STPG2: variants seen among roughly 807,000 people sequenced by gnomAD.
The protein encoded by STPG2 is sperm-tail PG-rich repeat-containing protein 2.
A neutral mutation model predicts 54.2 loss-of-function variants in STPG2; 56 were observed. The observed-to-expected ratio is 1.03, with a 90% confidence interval of 0.83 to 1.29. The LOEUF is 1.29. Among genes scored for constraint, STPG2 ranks in the 50% most tolerant of loss-of-function variants. STPG2 has a pLI of 0.00. For missense variants in STPG2, 596 were observed against 544.9 expected, an observed-to-expected ratio of 1.09 and a Z score of -0.93; for synonymous variants, 200 against 181.8, an observed-to-expected ratio of 1.10 and a Z score of -0.81.
At chr4:97,903,867 C>T (rs897610167) in intron 8 of STPG2, among the ~76,000 whole-genome samples, 2 of 152,212 alleles carry the variant, frequency 1.3e-5, no homozygotes, top group Admixed American at 6.5e-5. Context: ...GGGTCACTCC[C>T]ACCCGAATAC....
At chr4:97,909,564 A>G (rs949820696) in intron 8 of STPG2, among the ~76,000 whole-genome samples, 1 of 152,186 alleles carries the variant, frequency 6.6e-6, no homozygotes, top group Non-Finnish European at 1.5e-5. Context: ...CCTAAATAAA[A>G]TATTAGTAAA....
chr4:97,992,492 G>A (rs1234739132), intron 5 of STPG2, among the ~76,000 whole-genome samples: 1 of 152,112 alleles, frequency 6.6e-6, no homozygotes, highest in Non-Finnish European at 1.5e-5. Flanking sequence ...TGCTGTTTTG[G>A]TGACTATAGC....
intron 8 of STPG2, among the ~76,000 whole-genome samples, chr4:97,849,389 G>T (rs1327793919): frequency 4.0e-5 from 6 of 151,862 alleles, no homozygotes; most frequent in Admixed American, 1.3e-4. Flanking sequence ...AACACCAAAA[G>T]CAATGGCAAC....
chr4:97,451,306 G>C (rs536927329), intron 4 of STPG2, among the ~76,000 whole-genome samples: 51 of 152,134 alleles, frequency 3.4e-4, no homozygotes, highest in African/African-American at 1.2e-3. Context: ...ATTATATTAA[G>C]AGAAATGGAT....
chr4:97,962,913 C>A (rs1012017452), intron 7 of STPG2, among the ~76,000 whole-genome samples: 1 of 151,844 alleles, frequency 6.6e-6, no homozygotes, highest in Admixed American at 6.6e-5. Context: ...ATAATCCCAG[C>A]ACTTTGGGAA....
chr4:97,701,170 G>T (rs112225123), intron 10 of STPG2, among the ~76,000 whole-genome samples: 6 of 152,162 alleles, frequency 3.9e-5, no homozygotes, highest in African/African-American at 1.4e-4. Context: ...TCCCACCATA[G>T]TAGCCCTCAC....
intron 5 of STPG2, among the ~76,000 whole-genome samples, chr4:98,071,802 A>G (rs1738012964): frequency 6.6e-6 from 1 of 152,230 alleles, no homozygotes; most frequent in African/African-American, 2.4e-5. Context: ...AAACATATGA[A>G]AAAAAGCTCA....
chr4:97,891,609 C>T (rs1730772298), intron 8 of STPG2, among the ~76,000 whole-genome samples: 1 of 151,966 alleles, frequency 6.6e-6, no homozygotes, highest in Non-Finnish European at 1.5e-5. Context: ...TTAGGTATTT[C>T]TTTCAGTCCT....
intron 8 of STPG2, among the ~76,000 whole-genome samples, chr4:97,932,765 A>G (rs1732599145): frequency 6.6e-6 from 1 of 152,180 alleles, no homozygotes. Flanking sequence ...CCAGTCCATC[A>G]TTGATGGTTA....
At chr4:97,486,396 T>G (rs889781782) in intron 4 of STPG2, among the ~76,000 whole-genome samples, 2 of 151,514 alleles carry the variant, frequency 1.3e-5, no homozygotes, top group Non-Finnish European at 3.0e-5. Context: ...GATATACAAA[T>G]GACCAACAAA....
At chr4:97,998,786 T>C (rs1578767830) in intron 5 of STPG2, among the ~76,000 whole-genome samples, 2 of 152,086 alleles carry the variant, frequency 1.3e-5, no homozygotes, top group Admixed American at 6.6e-5. Flanking sequence ...GGTAATAATA[T>C]ACCTAAATGT....
intron 9 of STPG2, among the ~76,000 whole-genome samples, chr4:97,723,789 G>A (rs993857030): frequency 1.3e-5 from 2 of 152,158 alleles, no homozygotes; most frequent in Admixed American, 6.5e-5. Context: ...CGAGGCAGTA[G>A]GAGAGAGAGC....
At chr4:97,563,171 G>A (rs1732309360) in intron 10 of STPG2, among the ~76,000 whole-genome samples, 1 of 152,142 alleles carries the variant, frequency 6.6e-6, no homozygotes, top group Non-Finnish European at 1.5e-5. Flanking sequence ...TTAGTCTTGG[G>A]AGGGTGTATG....
intron 8 of STPG2, among the ~76,000 whole-genome samples, chr4:97,911,220 C>T (rs60336540): frequency 0.017 from 2,590 of 152,314 alleles, 74 homozygotes; most frequent in African/African-American, 0.059. Flanking sequence ...AGACTGTCAG[C>T]GGCTGATCTG....
At chr4:97,898,484 T>C (rs550664448) in intron 8 of STPG2, among the ~76,000 whole-genome samples, 1 of 151,874 alleles carries the variant, frequency 6.6e-6, no homozygotes, top group South Asian at 2.1e-4. Context: ...AATCATAAAA[T>C]CTGTGTGAAT....
chr4:97,648,753 A>G (rs895006582), intron 10 of STPG2, among the ~76,000 whole-genome samples: 3 of 152,148 alleles, frequency 2.0e-5, no homozygotes, highest in African/African-American at 7.2e-5. Flanking sequence ...ATGTATACAA[A>G]CTTAGTAAAC....
chr4:97,798,589 T>C (rs1265636785), intron 9 of STPG2, among the ~76,000 whole-genome samples: 3 of 149,450 alleles, frequency 2.0e-5, no homozygotes, highest in Non-Finnish European at 4.4e-5. Context: ...TGCTGAGAAG[T>C]GCTTTACTTC....
chr4:97,861,561 T>C (rs1469753050), intron 8 of STPG2, among the ~76,000 whole-genome samples: 3 of 152,138 alleles, frequency 2.0e-5, no homozygotes, highest in African/African-American at 4.8e-5. Flanking sequence ...CCTATGTTTA[T>C]GGCAGCACTA....
intron 9 of STPG2, among the ~76,000 whole-genome samples, chr4:97,752,518 G>A (rs769307675): frequency 2.6e-5 from 4 of 151,676 alleles, no homozygotes; most frequent in Non-Finnish European, 3.0e-5. Context: ...AATATTGAAC[G>A]TATCATATCA....
Sources: allele counts gnomAD v4.1 joint callset (sites outside exome capture counted in the v4.1 genomes callset), GRCh38; gene constraint gnomAD v4.1.1; transcripts MANE v1.5; gene names NCBI Gene and HGNC (gene_info 2026-07-23, HGNC 2026-07-21).